Variants in TANC1 observed in about 807,000 individuals in gnomAD.
TANC1 encodes tetratricopeptide repeat, ankyrin repeat and coiled-coil containing 1.
Under a neutral mutation model 149.7 loss-of-function variants are expected in TANC1, and 77 were observed. The ratio of observed to expected loss-of-function variants is 0.51; its 90% CI spans 0.43 to 0.62. The LOEUF is 0.62. TANC1 is among the 20% of genes least tolerant of loss of function. The pLI, the probability that TANC1 is intolerant of heterozygous loss-of-function variation, is 0.00. For synonymous variants in TANC1, 854 were observed against 925.0 expected (o/e 0.92, Z 1.39); for missense variants, 1,985 against 2,321.8 (o/e 0.85, Z 2.98).
At chr2:159,137,950 A>G (rs1391933955) in intron 5 of TANC1, among the ~76,000 whole-genome samples, 1 of 152,196 alleles carries the variant, frequency 6.6e-6, no homozygotes, top group African/African-American at 2.4e-5. Flanking sequence ...GATTTTTATT[A>G]GGCAATAAAA....
At chr2:159,060,154 T>C (rs1169769015) in intron 2 of TANC1, 1 of 866,982 alleles carries the variant, frequency 1.2e-6, no homozygotes, top group Non-Finnish European at 1.4e-6. Flanking sequence ...TTCAAGCTTC[T>C]AACACAGAGG....
At chr2:159,074,373 GTC>G (rs2043440578) in intron 3 of TANC1, among the ~76,000 whole-genome samples, 1 of 152,134 alleles carries the variant, frequency 6.6e-6, no homozygotes, top group Admixed American at 6.6e-5. Flanking sequence ...CAGGAATGAT[GTC>G]TCTGATGTGA....
rs370064819 is a variant in TANC1, at chr2:159,151,903, T to A, written c.682+1347T>A. On this transcript the variant is annotated intron_variant, in intron 7 of 26. Transcript: ENST00000263635. ...ACCATTTGACGGTTTTTAGTATATT[T>A]TAAAAGTTGTGCAACTGTCACCACT... Among the ~76,000 whole-genome samples, 111 of 152,358 alleles carry A rather than the reference T, an allele frequency of 7.3e-4. 1 individual carries two copies. In the South Asian group the frequency reaches 0.016, roughly 21 times the overall value.
At chr2:159,135,444 A>G (rs2050568282) in intron 4 of TANC1, among the ~76,000 whole-genome samples, 1 of 152,254 alleles carries the variant, frequency 6.6e-6, no homozygotes, top group Non-Finnish European at 1.5e-5. Flanking sequence ...CCATGTAGTA[A>G]CTCTGCACTT....
Position 159,071,274 on chromosome 2 carries a change from G to A in TANC1, c.61+5303G>A, listed in dbSNP as rs576148814. Reference sequence around the variant, plus strand: ...ACAGAAAAAATATAGACTGATTAAGGAATAGTTCCTTAATGTGCCAAAATA... The same window carrying A: ...ACAGAAAAAATATAGACTGATTAAGAAATAGTTCCTTAATGTGCCAAAATA... On this transcript the variant is annotated intron_variant, in intron 3 of 26. Coordinates refer to ENST00000263635, the MANE Select transcript of TANC1 (RefSeq NM_033394.3). Among the ~76,000 whole-genome samples the A allele has an allele frequency of 1.7e-4, 26 of 152,250 alleles. No homozygotes were observed. In the South Asian group the frequency reaches 5.4e-3, roughly 32 times the overall value.
chr2:159,227,973 G>C lies in TANC1; in HGVS notation c.4050+8G>C, dbSNP rs1324263426. The stretch of plus-strand genomic sequence containing the variant: ...TGCCGAAGAAAAACAAATGTAAGCT[G>C]TGCCCCTTTATTCCAACCCAGTCTT... On this transcript the variant is annotated splice_region_variant and intron_variant, in intron 25 of 26. Transcript: ENST00000263635. The C allele has an allele frequency of 6.2e-7, 1 of 1,610,438 alleles. No homozygotes were observed. The highest frequency in any genetic ancestry group is 1.1e-5 in the South Asian group (1 of 90,698).
intron 2 of TANC1, among the ~76,000 whole-genome samples, chr2:159,050,641 CAA>C (rs1406013355): frequency 6.6e-6 from 1 of 152,156 alleles, no homozygotes; most frequent in Non-Finnish European, 1.5e-5. Flanking sequence ...CCTTATCTGT[CAA>C]AAGAGGATAA....
intron 14 of TANC1, among the ~76,000 whole-genome samples, chr2:159,180,775 A>G (rs1231809966): frequency 6.6e-6 from 1 of 152,232 alleles, no homozygotes; most frequent in African/African-American, 2.4e-5. Flanking sequence ...AGTTTTTGTT[A>G]TATGCAGTTA....
chr2:159,037,980 T>C (rs1030539483), intron 2 of TANC1, among the ~76,000 whole-genome samples: 2 of 152,190 alleles, frequency 1.3e-5, no homozygotes, highest in South Asian at 2.1e-4. Flanking sequence ...ATTCTTCCTA[T>C]CCATGAGCAT....
At chr2:159,160,922 C>T (rs1029408275) in intron 7 of TANC1, among the ~76,000 whole-genome samples, 11 of 152,188 alleles carry the variant, frequency 7.2e-5, no homozygotes, top group Admixed American at 3.3e-4. Context: ...GCCCTTCCTC[C>T]CCCACCCCTT....
chr2:159,007,659 T>C (rs1226351925), intron 2 of TANC1, among the ~76,000 whole-genome samples: 1 of 152,254 alleles, frequency 6.6e-6, no homozygotes, highest in African/African-American at 2.4e-5. Flanking sequence ...CAAAATCTCC[T>C]GACACATTTC....
chr2:159,050,945 T>TA (rs1402435282), intron 2 of TANC1, among the ~76,000 whole-genome samples: 1 of 152,236 alleles, frequency 6.6e-6, no homozygotes, highest in Non-Finnish European at 1.5e-5. Context: ...TGAGAAGTTT[T>TA]ACTGCATAAA....
At position 159,059,888 on chromosome 2, in the gene TANC1, T is replaced by TTGTGTGTGTGTGTGTGTG. The variant is rs140659801; in HGVS notation, c.-15-5983_-15-5966dup. 1.1e-3 allele frequency among the ~76,000 whole-genome samples: 123 copies of TTGTGTGTGTGTGTGTGTG among 114,814 alleles called. 1 individual carries two copies. The highest frequency in any genetic ancestry group is 1.7e-3 in the Non-Finnish European group (98 of 56,016). 75.3% of individuals were successfully genotyped at this position (114,814 alleles called of 152,430 possible). A position where few individuals can be genotyped will look rare whatever the true frequency, so the allele number is the denominator to read the frequency against. ...CCAGTGTACCATCTAGCAGACCTCTTTGTGTGTGTGTGTGTGTGTGTGTGT... is the reference window on the plus strand; with the variant it reads ...CCAGTGTACCATCTAGCAGACCTCTTTGTGTGTGTGTGTGTGTGTGTGTGTGTGTGTGTGTGTGTGTGT... On this transcript the variant is annotated intron_variant, in intron 2 of 26. Transcript: ENST00000263635.
At chr2:159,137,537 G>A (rs1421385) in intron 5 of TANC1, among the ~76,000 whole-genome samples, 61,540 of 151,992 alleles carry the variant, frequency 0.4, 13,165 homozygotes, top group East Asian at 0.47. Context: ...TGTGCACACC[G>A]AATGTTGCTG....
At chr2:159,189,495 T>G (rs1426948716) in intron 16 of TANC1, among the ~76,000 whole-genome samples, 1 of 152,262 alleles carries the variant, frequency 6.6e-6, no homozygotes, top group Non-Finnish European at 1.5e-5. Flanking sequence ...GATTAATGTT[T>G]ATTTAACATG....
intron 3 of TANC1, among the ~76,000 whole-genome samples, chr2:159,068,815 C>A (rs2042893187): frequency 6.6e-6 from 1 of 152,204 alleles, no homozygotes; most frequent in South Asian, 2.1e-4. Context: ...TCTCCACTCA[C>A]TGCAACCTCC....
At chr2:158,991,294 T>C (rs767985094) in intron 1 of TANC1, among the ~76,000 whole-genome samples, 87 of 152,096 alleles carry the variant, frequency 5.7e-4, no homozygotes, top group Non-Finnish European at 1.1e-3. Flanking sequence ...AACATACTCA[T>C]GCATTTTTAC....
intron 14 of TANC1, among the ~76,000 whole-genome samples, chr2:159,183,112 T>TG (rs1401055091): frequency 6.6e-6 from 1 of 151,924 alleles, no homozygotes; most frequent in Non-Finnish European, 1.5e-5. Flanking sequence ...AGTGGGGACT[T>TG]GGGGGGACTG....
chr2:159,181,445 C>T (rs1175959316), intron 14 of TANC1, among the ~76,000 whole-genome samples: 4 of 152,104 alleles, frequency 2.6e-5, no homozygotes, highest in African/African-American at 9.7e-5. Flanking sequence ...CTACAGGCGC[C>T]CGCCACCTCA....
Sources: gnomAD v4.1 joint callset for allele counts (sites outside exome capture counted in the v4.1 genomes callset) on GRCh38, gnomAD v4.1.1 for gene constraint, MANE v1.5 for transcripts, NCBI Gene and HGNC (gene_info 2026-07-23, HGNC 2026-07-21) for gene names.